Variants in LRP1B observed in about 807,000 individuals in gnomAD.
The protein encoded by LRP1B is LDL receptor related protein 1B, also known as low-density lipoprotein receptor-related protein 1B.
LRP1B carries 217 observed loss-of-function variants against 556.6 expected under a neutral mutation model. The ratio of observed to expected loss-of-function variants is 0.39; its 90% CI spans 0.35 to 0.44. LRP1B has a LOEUF of 0.44. Among genes scored for constraint, LRP1B ranks in the 20% least tolerant of loss-of-function variants. The probability of loss-of-function intolerance (pLI) is 1.00; values close to 1 mark genes in which losing one functional copy is unlikely to be tolerated. For missense variants in LRP1B, 5,053 were observed against 5,620.8 expected, an observed-to-expected ratio of 0.90 and a Z score of 3.23; for synonymous variants, 2,047 against 1,865.8, an observed-to-expected ratio of 1.10 and a Z score of -2.50.
At chr2:140,389,852 G>C (rs978669339) in intron 66 of LRP1B, among the ~76,000 whole-genome samples, 1 of 151,290 alleles carries the variant, frequency 6.6e-6, no homozygotes, top group Admixed American at 6.6e-5. Context: ...AAAAGGCTGG[G>C]CGTGGTGGTG....
chr2:141,086,639 TG>T (rs2104898718), intron 7 of LRP1B, among the ~76,000 whole-genome samples: 1 of 151,904 alleles, frequency 6.6e-6, no homozygotes, highest in African/African-American at 2.4e-5. Context: ...TGTGTGTGTG[TG>T]TGTGTGTGTG....
intron 3 of LRP1B, among the ~76,000 whole-genome samples, chr2:141,357,303 C>T (rs544449912): frequency 1.6e-4 from 25 of 152,050 alleles, no homozygotes; most frequent in Non-Finnish European, 2.9e-4. Context: ...ATCCACCTGC[C>T]TCCGCTTCCA....
intron 3 of LRP1B, among the ~76,000 whole-genome samples, chr2:141,425,085 A>G (rs1358194434): frequency 6.8e-6 from 1 of 146,236 alleles, no homozygotes; most frequent in Non-Finnish European, 1.5e-5. Flanking sequence ...CAACCCCACA[A>G]CAGGCCACAG....
At chr2:141,843,656 C>T (rs76148776) in intron 1 of LRP1B, among the ~76,000 whole-genome samples, 13,894 of 152,134 alleles carry the variant, frequency 0.091, 667 homozygotes, top group South Asian at 0.18. Flanking sequence ...TAATTATTAA[C>T]TTAAAATGCA....
intron 63 of LRP1B, among the ~76,000 whole-genome samples, chr2:140,446,324 T>C (rs72897864): frequency 6.6e-6 from 1 of 152,302 alleles, no homozygotes; most frequent in Non-Finnish European, 1.5e-5. Flanking sequence ...TAGAATAATC[T>C]TAAGTGTATT....
At position 141,741,280 on chromosome 2, in the gene LRP1B, T is replaced by C. The variant is rs915331181; in HGVS notation, c.205+68999A>G. Among the ~76,000 whole-genome samples the C allele has an allele frequency of 2.6e-3, 374 of 144,064 alleles. 1 individual carries two copies. The highest frequency in any genetic ancestry group is 4.5e-3 in the Non-Finnish European group (293 of 65,800). 94.5% of individuals were successfully genotyped at this position (144,064 alleles called of 152,430 possible). A position where few individuals can be genotyped will look rare whatever the true frequency, so the allele number is the denominator to read the frequency against. On this transcript the variant is annotated intron_variant, in intron 2 of 90. Transcript: ENST00000389484. ...CTGATTTCCTTTTTTTTTTTTTTTT[T>C]TTTTTTTTTTTTTAGTATATATCTA...
chr2:141,728,074 T>A (rs1693111628), intron 2 of LRP1B, among the ~76,000 whole-genome samples: 1 of 152,116 alleles, frequency 6.6e-6, no homozygotes, highest in Non-Finnish European at 1.5e-5. Flanking sequence ...AGCAGTATTT[T>A]TCATGAGGTG....
At chr2:142,120,165 G>T (rs1574708127) in intron 1 of LRP1B, among the ~76,000 whole-genome samples, 1 of 152,324 alleles carries the variant, frequency 6.6e-6, no homozygotes, top group African/African-American at 2.4e-5. Flanking sequence ...AGGTTGGAGT[G>T]CTGTGGCACA....
chr2:141,841,355 T>A (rs1000347509), intron 1 of LRP1B, among the ~76,000 whole-genome samples: 1 of 152,228 alleles, frequency 6.6e-6, no homozygotes, highest in African/African-American at 2.4e-5. Context: ...ATAAGTAATT[T>A]AGCCCTCACC....
chr2:140,511,319 T>TTTTTTTTTTTTG (rs1553477418), intron 51 of LRP1B, among the ~76,000 whole-genome samples: 2 of 145,730 alleles, frequency 1.4e-5, no homozygotes, highest in Admixed American at 6.9e-5. Context: ...TTTTTTTTTT[T>TTTTTTTTTTTTG]GAGACGGAGT....
At chr2:141,973,350 G>T (rs1264626231) in intron 1 of LRP1B, among the ~76,000 whole-genome samples, 2 of 151,700 alleles carry the variant, frequency 1.3e-5, no homozygotes, top group Non-Finnish European at 3.0e-5. Context: ...ACAATTAAGA[G>T]TAATACGAAA....
intron 2 of LRP1B, among the ~76,000 whole-genome samples, chr2:141,592,102 A>G (rs555715030): frequency 7.2e-5 from 11 of 151,986 alleles, no homozygotes; most frequent in Non-Finnish European, 1.5e-4. Context: ...CTCTGCACCA[A>G]CATTGACTGT....
chr2:141,898,450 A>G (rs190728011), intron 1 of LRP1B, among the ~76,000 whole-genome samples: 42 of 152,280 alleles, frequency 2.8e-4, no homozygotes, highest in African/African-American at 9.9e-4. Flanking sequence ...ATCAGTTTTA[A>G]TCTTGTTTTA....
At chr2:141,199,285 A>G (rs1442460417) in intron 6 of LRP1B, among the ~76,000 whole-genome samples, 1 of 152,134 alleles carries the variant, frequency 6.6e-6, no homozygotes, top group East Asian at 1.9e-4. Flanking sequence ...ACCTTAGAGT[A>G]TTTCTCTTAT....
At chr2:141,129,198 T>C (rs1467090251) in intron 7 of LRP1B, among the ~76,000 whole-genome samples, 1 of 152,246 alleles carries the variant, frequency 6.6e-6, no homozygotes, top group East Asian at 1.9e-4. Context: ...TTGAATAACT[T>C]AAAATAATTT....
intron 2 of LRP1B, among the ~76,000 whole-genome samples, chr2:141,524,849 A>C (rs1427993674): frequency 6.6e-6 from 1 of 152,054 alleles, no homozygotes; most frequent in Non-Finnish European, 1.5e-5. Context: ...GCAAAAAAAA[A>C]AATTATTTGA....
chr2:140,995,594 T>C (rs900017637), intron 15 of LRP1B, among the ~76,000 whole-genome samples: 1 of 152,046 alleles, frequency 6.6e-6, no homozygotes, highest in Non-Finnish European at 1.5e-5. Flanking sequence ...CAAAGAATTT[T>C]ACTACCTCCA....
chr2:142,022,632 A>T (rs551818116), intron 1 of LRP1B, among the ~76,000 whole-genome samples: 1 of 152,046 alleles, frequency 6.6e-6, no homozygotes, highest in Non-Finnish European at 1.5e-5. Context: ...CATTACTTTT[A>T]TTTTAATAAA....
chr2:141,187,813 A>G lies in LRP1B; in HGVS notation c.1013+608T>C, dbSNP rs1681323646. Among the ~76,000 whole-genome samples the G allele has an allele frequency of 3.3e-5, 5 of 151,964 alleles. No homozygotes were observed. In the South Asian group the frequency reaches 1.0e-3, roughly 31 times the overall value. ...AAAGAATGTCAGAAGGTCTCTATTT[A>G]ACCAATAAAGTAGCTTGCAAAATTG... On this transcript the variant is annotated intron_variant, in intron 7 of 90. Coordinates refer to ENST00000389484, the MANE Select transcript of LRP1B (RefSeq NM_018557.3).
Sources: allele counts gnomAD v4.1 joint callset (sites outside exome capture counted in the v4.1 genomes callset), GRCh38; gene constraint gnomAD v4.1.1; transcripts MANE v1.5; gene names NCBI Gene and HGNC (gene_info 2026-07-23, HGNC 2026-07-21).